The following SKAP2 variants were observed in gnomAD, a reference collection of about 807,000 sequenced individuals.
SKAP2 encodes src kinase-associated phosphoprotein 2.
A neutral mutation model predicts 54.9 loss-of-function variants in SKAP2; 28 were observed. That is an observed-to-expected ratio of 0.51 (90% CI 0.38 to 0.70). SKAP2 has a LOEUF of 0.70. Among genes scored for constraint, SKAP2 ranks in the 30% least tolerant of loss-of-function variants. The probability of loss-of-function intolerance (pLI) is 0.00; values close to 1 mark genes in which losing one functional copy is unlikely to be tolerated. For synonymous variants in SKAP2, 137 were observed against 134.3 expected, an observed-to-expected ratio of 1.02 and a Z score of -0.14; for missense variants, 356 against 424.1, an observed-to-expected ratio of 0.84 and a Z score of 1.41.
chr7:26,767,804 G>C (rs1309963776), intron 4 of SKAP2, among the ~76,000 whole-genome samples: 1 of 152,146 alleles, frequency 6.6e-6, no homozygotes, highest in Non-Finnish European at 1.5e-5. Context: ...GTTCTAATTT[G>C]CTTGCACTGT....
chr7:26,802,122 T>C (rs1241733768), intron 4 of SKAP2, among the ~76,000 whole-genome samples: 1 of 152,036 alleles, frequency 6.6e-6, no homozygotes, highest in Non-Finnish European at 1.5e-5. Flanking sequence ...GTTATAGTTA[T>C]CAAAACAGCA....
rs189932060 is a variant in SKAP2, at chr7:26,836,034, T to C, written c.307+7996A>G. 1.3e-3 allele frequency among the ~76,000 whole-genome samples: 196 copies of C among 152,182 alleles called. 1 individual carries two copies. Among genetic ancestry groups the C allele is most frequent in the African/African-American group, 4.4e-3 (184 of 41,504 alleles). On this transcript the variant is annotated intron_variant, in intron 4 of 12. Coordinates refer to ENST00000345317, the MANE Select transcript of SKAP2 (RefSeq NM_003930.5). ...AACAGAAAAGAGGCCACAGAAATAA[T>C]GCCACACATCTACAACCATCTGATC...
At chr7:26,708,217 T>C (rs961658332) in intron 9 of SKAP2, among the ~76,000 whole-genome samples, 5 of 152,202 alleles carry the variant, frequency 3.3e-5, no homozygotes, top group African/African-American at 1.2e-4. Context: ...AAACACATTA[T>C]TACACTGGTC....
chr7:26,726,028 G>A, intron 7 of SKAP2, 42 bp from the exon 8 acceptor site: 1 of 1,248,114 alleles, frequency 8.0e-7, no homozygotes, highest in African/African-American at 1.5e-5. Flanking sequence ...CACCATAGTA[G>A]GAATGAAAGG....
In SKAP2 at chr7:26,844,099, C is replaced by CA. The variant is rs746046382; in HGVS notation, c.237dup (p.Ala80CysfsTer15). The CA allele has an allele frequency of 6.2e-7, 1 of 1,610,060 alleles. No individual in the cohort carries two copies. Among genetic ancestry groups the CA allele is most frequent in the African/African-American group, 1.3e-5 (1 of 74,278 alleles). On this transcript the variant is annotated frameshift_variant, in exon 4 of 13. Coordinates refer to ENST00000345317, the MANE Select transcript of SKAP2 (RefSeq NM_003930.5). LOFTEE classifies it high-confidence loss of function. ...AATGAAATAGTGTCTGGAGGCCCAG[C>CA]AAAAGGGTCATCATATTCTTCCCCA... is the stretch of plus-strand genomic sequence containing the variant.
At chr7:26,726,630 T>C (rs1180124106) in intron 7 of SKAP2, 1 of 312,212 alleles carries the variant, frequency 3.2e-6, no homozygotes, top group Non-Finnish European at 5.9e-6. Context: ...CTATGCAACA[T>C]GTGTGCAACA....
At chr7:26,859,612 A>C (rs1371925226) in intron 1 of SKAP2, among the ~76,000 whole-genome samples, 1 of 152,206 alleles carries the variant, frequency 6.6e-6, no homozygotes, top group African/African-American at 2.4e-5. Flanking sequence ...GACTTTGGGA[A>C]GCTAAATGAT....
At chr7:26,720,360 G>A (rs911889144) in intron 9 of SKAP2, among the ~76,000 whole-genome samples, 1 of 152,070 alleles carries the variant, frequency 6.6e-6, no homozygotes, top group African/African-American at 2.4e-5. Flanking sequence ...GTATTCCAAA[G>A]CTTCATACTA....
At chr7:26,836,577 A>G (rs1236563433) in intron 4 of SKAP2, among the ~76,000 whole-genome samples, 1 of 152,238 alleles carries the variant, frequency 6.6e-6, no homozygotes, top group Non-Finnish European at 1.5e-5. Flanking sequence ...GGCCAAAAAC[A>G]TAAGAAGAAA....
intron 11 of SKAP2, among the ~76,000 whole-genome samples, chr7:26,683,933 C>T (rs1786570742): frequency 6.6e-6 from 1 of 152,148 alleles, no homozygotes; most frequent in South Asian, 2.1e-4. Flanking sequence ...TGTTTTCCTA[C>T]ATCATTTGTT....
intron 3 of SKAP2, among the ~76,000 whole-genome samples, chr7:26,849,509 C>A (rs1353486742): frequency 6.6e-6 from 1 of 151,804 alleles, no homozygotes; most frequent in African/African-American, 2.4e-5. Flanking sequence ...CATGGTGAAA[C>A]CCCGTCTCTC....
intron 4 of SKAP2, among the ~76,000 whole-genome samples, chr7:26,795,420 A>C (rs1164543732): frequency 2.0e-5 from 3 of 152,212 alleles, no homozygotes; most frequent in African/African-American, 7.2e-5. Flanking sequence ...CTTATCGTAG[A>C]TCATAGGATG....
chr7:26,780,584 T>C (rs1191787339), intron 4 of SKAP2, among the ~76,000 whole-genome samples: 1 of 152,112 alleles, frequency 6.6e-6, no homozygotes, highest in African/African-American at 2.4e-5. Flanking sequence ...TCATATTATT[T>C]TCATCTCATG....
At chr7:26,734,450 G>T (rs1452206414) in intron 6 of SKAP2, among the ~76,000 whole-genome samples, 1 of 151,914 alleles carries the variant, frequency 6.6e-6, no homozygotes, top group Non-Finnish European at 1.5e-5. Flanking sequence ...TTCCATTTTT[G>T]ATCCCATCCA....
intron 4 of SKAP2, among the ~76,000 whole-genome samples, chr7:26,813,792 G>T (rs1017412682): frequency 5.3e-5 from 8 of 152,152 alleles, no homozygotes; most frequent in African/African-American, 1.4e-4. Flanking sequence ...ATCAAACAGG[G>T]TAATGAGACT....
In SKAP2 at chr7:26,854,166, C is replaced by A; in HGVS notation, c.174-4G>T. 6.4e-7 allele frequency: 1 copy of A among 1,568,886 alleles called. No individual in the cohort carries two copies. ...GTCTTGAAATTCCTGAAGATAGCTA[C>A]AAAACAAAGAACATATTTTTAAATG... On this transcript the variant is annotated splice_region_variant and splice_polypyrimidine_tract_variant and intron_variant, in intron 2 of 12. Coordinates refer to ENST00000345317, the MANE Select transcript of SKAP2 (RefSeq NM_003930.5).
chr7:26,665,977 T>C (rs1411817255), downstream of SKAP2, among the ~76,000 whole-genome samples: 1 of 147,722 alleles, frequency 6.8e-6, no homozygotes, highest in Non-Finnish European at 1.5e-5. Flanking sequence ...TTTTATTTTA[T>C]ATATATATAC....
intron 4 of SKAP2, among the ~76,000 whole-genome samples, chr7:26,821,358 C>T (rs1368975411): frequency 6.6e-6 from 1 of 152,098 alleles, no homozygotes; most frequent in Non-Finnish European, 1.5e-5. Flanking sequence ...ATCACCAGGA[C>T]TATAATCATA....
At chr7:26,829,048 G>C (rs1398401467) in intron 4 of SKAP2, among the ~76,000 whole-genome samples, 1 of 151,892 alleles carries the variant, frequency 6.6e-6, no homozygotes, top group Non-Finnish European at 1.5e-5. Flanking sequence ...AATAAATAAA[G>C]TACAAGTAAT....
Sources: gnomAD v4.1 joint callset for allele counts (sites outside exome capture counted in the v4.1 genomes callset) on GRCh38, gnomAD v4.1.1 for gene constraint, MANE v1.5 for transcripts, NCBI Gene and HGNC (gene_info 2026-07-23, HGNC 2026-07-21) for gene names.